The following CCNJL variants were observed in gnomAD, a reference collection of about 807,000 sequenced individuals.
CCNJL encodes cyclin-J-like protein.
Under a neutral mutation model 33.4 loss-of-function variants are expected in CCNJL, and 33 were observed. That is an observed-to-expected ratio of 0.99 (90% confidence interval 0.75 to 1.32). The LOEUF is 1.32. Among genes scored for constraint, CCNJL ranks in the 40% most tolerant of loss-of-function variants. CCNJL has a pLI of 0.00. For missense variants in CCNJL, 512 were observed against 499.7 expected (o/e 1.02, Z -0.23); for synonymous variants, 227 against 220.9 (o/e 1.03, Z -0.24).
chr5:160,331,005 A>G (rs1194023811), intron 1 of CCNJL, among the ~76,000 whole-genome samples: 1 of 151,772 alleles, frequency 6.6e-6, no homozygotes, highest in Non-Finnish European at 1.5e-5. Flanking sequence ...AGATAGATGG[A>G]CCTTCTGAGA....
At chr5:160,273,944 C>G (rs577186116) in intron 3 of CCNJL, among the ~76,000 whole-genome samples, 4 of 151,812 alleles carry the variant, frequency 2.6e-5, no homozygotes, top group Admixed American at 2.6e-4. Context: ...CCACTGCACC[C>G]GGCCTACAAA....
intron 1 of CCNJL, among the ~76,000 whole-genome samples, chr5:160,336,894 T>C (rs949167943): frequency 4.6e-5 from 7 of 151,678 alleles, no homozygotes; most frequent in East Asian, 1.9e-4. Context: ...CAAAATTACA[T>C]CGTTTCTTAC....
In CCNJL at chr5:160,252,709, C is replaced by G. The variant is rs745633905; in HGVS notation, c.*669G>C. 6.6e-6 allele frequency: 1 copy of G among 152,580 alleles called. No homozygotes were observed. The highest frequency in any genetic ancestry group is 1.5e-5 in the Non-Finnish European group (1 of 68,042). The allele number at this position is 152,580 out of a possible 1,614,324, so 9.5% of individuals were successfully genotyped here. On this transcript the variant is annotated 3_prime_UTR_variant, in exon 6 of 6. Coordinates refer to ENST00000257536, the MANE Select transcript of CCNJL (RefSeq NM_001308173.3). Reference sequence around the variant, plus strand: ...CTCCAAAGGAATTTTCAAGTATCACCAAATCCCTGATACAGTGTGTAAACA... The same window carrying G: ...CTCCAAAGGAATTTTCAAGTATCACGAAATCCCTGATACAGTGTGTAAACA...
intron 2 of CCNJL, among the ~76,000 whole-genome samples, chr5:160,309,952 T>C (rs1338660354): frequency 6.6e-6 from 1 of 152,174 alleles, no homozygotes; most frequent in East Asian, 1.9e-4. Context: ...GCTATAGCAG[T>C]TCATGGAGCC....
At chr5:160,271,128 A>T (rs1358822799) in intron 3 of CCNJL, among the ~76,000 whole-genome samples, 1 of 152,322 alleles carries the variant, frequency 6.6e-6, no homozygotes, top group South Asian at 2.1e-4. Flanking sequence ...AATAATCTCT[A>T]ATCTTAGCAC....
rs151268241 is a variant in CCNJL, at chr5:160,312,563, C to G, written c.-249G>C. The G allele has an allele frequency of 6.6e-6, 1 of 151,412 alleles. No homozygotes were observed. Among genetic ancestry groups the G allele is most frequent in the East Asian group, 1.9e-4 (1 of 5,144 alleles). 9.4% of individuals were successfully genotyped at this position (151,412 alleles called of 1,614,324 possible). Reference sequence around the variant, plus strand: ...GGGTCCCGCCGCGGCTCGCAGGCTCCCGGCCGCCGGGGGCCTCCCTCCCTC... The same window carrying G: ...GGGTCCCGCCGCGGCTCGCAGGCTCGCGGCCGCCGGGGGCCTCCCTCCCTC... On this transcript the variant is annotated 5_prime_UTR_variant, in exon 1 of 6. Transcript: ENST00000257536.
intron 2 of CCNJL, among the ~76,000 whole-genome samples, chr5:160,300,874 A>G (rs150364586): frequency 6.6e-6 from 1 of 152,216 alleles, no homozygotes; most frequent in East Asian, 1.9e-4. Flanking sequence ...ACCTATCCAA[A>G]TGGTACTAAT....
chr5:160,328,829 A>G (rs144731039), intron 1 of CCNJL, among the ~76,000 whole-genome samples: 4,931 of 151,766 alleles, frequency 0.032, 256 homozygotes, highest in African/African-American at 0.11. Context: ...GCAGTGAGCC[A>G]AGAGCACGCC....
intron 2 of CCNJL, among the ~76,000 whole-genome samples, chr5:160,289,573 T>C (rs1370967477): frequency 2.0e-5 from 3 of 151,884 alleles, no homozygotes; most frequent in African/African-American, 7.3e-5. Flanking sequence ...TGGCTGCCCC[T>C]TTAGAAACCA....
At chr5:160,273,728 C>A (rs796577194) in intron 3 of CCNJL, among the ~76,000 whole-genome samples, 9 of 142,086 alleles carry the variant, frequency 6.3e-5, no homozygotes, top group African/African-American at 2.4e-4. Flanking sequence ...CTCACTGCAA[C>A]CTCTGCCTCC....
At chr5:160,258,709 C>T in intron 4 of CCNJL, 1 of 727,602 alleles carries the variant, frequency 1.4e-6, no homozygotes, top group Non-Finnish European at 2.5e-6. Context: ...AAAAAACAAA[C>T]AAAAAAAAGA....
At chr5:160,314,598 A>C (rs909670617), upstream of CCNJL, among the ~76,000 whole-genome samples, 1 of 152,260 alleles carries the variant, frequency 6.6e-6, no homozygotes, top group African/African-American at 2.4e-5. Context: ...AATTTGAATA[A>C]ATATGCAGGA....
intron 1 of CCNJL, among the ~76,000 whole-genome samples, chr5:160,334,480 G>A (rs1157475081): frequency 1.3e-5 from 2 of 152,128 alleles, no homozygotes; most frequent in African/African-American, 2.4e-5. Flanking sequence ...ACCATTATAG[G>A]TGCCTGACAT....
chr5:160,280,539 C>T lies in CCNJL; in HGVS notation c.266G>A (p.Cys89Tyr), dbSNP rs1327822205. ...SKQLYTVAVS[C>Y]LLLASKFEDR... is the part of the protein sequence containing the mutation. ...TTTTCGCTTACTTGCAAGCAGGAGG[C>T]AGGAGACGGCCACGGTGTAGAGCTG... Residue 89 changes from cysteine (C) to tyrosine (Y), a missense_variant, in exon 3 of 6, where the codon TGC (cysteine) becomes TAC (tyrosine). Physicochemically the swap from Cys to Tyr is radical, Grantham distance 194. Transcript: ENST00000257536. 2 of 1,612,622 alleles carry T rather than the reference C, an allele frequency of 1.2e-6. No individual in the cohort carries two copies. Among genetic ancestry groups the T allele is most frequent in the Non-Finnish European group, 1.7e-6 (2 of 1,179,948 alleles).
At chr5:160,292,733 A>T (rs1762627358) in intron 2 of CCNJL, among the ~76,000 whole-genome samples, 1 of 151,984 alleles carries the variant, frequency 6.6e-6, no homozygotes, top group Non-Finnish European at 1.5e-5. Context: ...TATACAATTT[A>T]ATATTTTTTT....
At chr5:160,332,578 A>G (rs1054717170) in intron 1 of CCNJL, among the ~76,000 whole-genome samples, 8 of 151,882 alleles carry the variant, frequency 5.3e-5, no homozygotes, top group Admixed American at 3.9e-4. Flanking sequence ...ACCTGCTCCC[A>G]CCACACTGGC....
intron 2 of CCNJL, among the ~76,000 whole-genome samples, chr5:160,309,708 G>A (rs757347480): frequency 1.3e-5 from 2 of 152,160 alleles, no homozygotes; most frequent in Non-Finnish European, 2.9e-5. Context: ...TTTCTTCTTT[G>A]AAGTGGGAGA....
intron 1 of CCNJL, among the ~76,000 whole-genome samples, chr5:160,337,007 T>TC (rs1263100086): frequency 2.4e-5 from 3 of 126,794 alleles, no homozygotes; most frequent in African/African-American, 1.1e-4. Context: ...TTCTTTCTTT[T>TC]TTTTTTTTTT....
At chr5:160,287,664 GC>G (rs1366904135) in intron 2 of CCNJL, among the ~76,000 whole-genome samples, 1 of 152,244 alleles carries the variant, frequency 6.6e-6, no homozygotes, top group Non-Finnish European at 1.5e-5. Flanking sequence ...CAGGAAGCCA[GC>G]CCCTCTGCTG....
Sources: allele counts gnomAD v4.1 joint callset (sites outside exome capture counted in the v4.1 genomes callset), GRCh38; gene constraint gnomAD v4.1.1; transcripts MANE v1.5; gene names NCBI Gene and HGNC (gene_info 2026-07-23, HGNC 2026-07-21).